DNAI3: variants seen among roughly 807,000 people sequenced by gnomAD.
DNAI3 encodes the protein dynein axonemal intermediate chain 3, also known as WD repeat domain 63.
A neutral mutation model predicts 115.5 loss-of-function variants in DNAI3; 83 were observed. The observed-to-expected ratio is 0.72, with a 90% CI of 0.60 to 0.86. The LOEUF is 0.86. Ranked by LOEUF, DNAI3 falls within the 40% of genes least tolerant of loss-of-function variation. The pLI, the probability that DNAI3 is intolerant of heterozygous loss-of-function variation, is 0.00. For missense variants in DNAI3, 1,004 were observed against 1,075.8 expected (o/e 0.93, Z 0.93); for synonymous variants, 320 against 347.0 (o/e 0.92, Z 0.86).
chr1:85,125,341 A>G (rs1045289816), intron 19 of DNAI3, among the ~76,000 whole-genome samples: 3 of 152,006 alleles, frequency 2.0e-5, no homozygotes, highest in Non-Finnish European at 4.4e-5. Context: ...ACACACATAT[A>G]TATATTTCAA....
intron 1 of DNAI3, among the ~76,000 whole-genome samples, chr1:85,068,773 C>A (rs747232897): frequency 2.0e-5 from 3 of 152,198 alleles, no homozygotes; most frequent in Non-Finnish European, 4.4e-5. Context: ...TACATTCCCA[C>A]CTTCTGCCAA....
intron 16 of DNAI3, among the ~76,000 whole-genome samples, chr1:85,115,753 A>G (rs817463): frequency 0.8 from 121,225 of 151,964 alleles, 48,888 homozygotes; most frequent in South Asian, 0.89. Context: ...GGAGCGTGCA[A>G]CCTAGATCCC....
chr1:85,093,050 AG>A (rs1022361726), intron 8 of DNAI3, among the ~76,000 whole-genome samples: 9 of 152,194 alleles, frequency 5.9e-5, no homozygotes, highest in Non-Finnish European at 1.2e-4. Context: ...AAAATAAAGG[AG>A]GAGGAGACAG....
At chr1:85,084,720 AATC>A in intron 6 of DNAI3, 25 bp downstream of exon 6, 1 of 1,431,966 alleles carries the variant, frequency 7.0e-7, no homozygotes, top group Non-Finnish European at 9.2e-7. Context: ...TATGATCTGT[AATC>A]ATTACCTCCC....
intron 11 of DNAI3, 35 bp from the exon 12 acceptor site, chr1:85,097,534 T>A (rs774910021): frequency 1.3e-6 from 2 of 1,558,024 alleles, no homozygotes; most frequent in Admixed American, 3.9e-5. Context: ...AGATATTTTC[T>A]GAAAAGGTTA....
chr1:85,072,779 C>G (rs1013244660), intron 2 of DNAI3, among the ~76,000 whole-genome samples: 2 of 151,198 alleles, frequency 1.3e-5, no homozygotes, highest in Admixed American at 1.3e-4. Flanking sequence ...CACGGTGAAA[C>G]CCCGTCTCTA....
chr1:85,070,379 C>T (rs1357869676), intron 1 of DNAI3, among the ~76,000 whole-genome samples: 1 of 152,136 alleles, frequency 6.6e-6, no homozygotes, highest in Non-Finnish European at 1.5e-5. Context: ...TCATCTAGTA[C>T]AGAGGTTAAG....
At chr1:85,064,669 G>A (rs1654039548) in intron 1 of DNAI3, among the ~76,000 whole-genome samples, 1 of 152,166 alleles carries the variant, frequency 6.6e-6, no homozygotes, top group Non-Finnish European at 1.5e-5. Context: ...GGAGGCCGAG[G>A]CAGGAGGATT....
chr1:85,111,264 A>T (rs768206847), intron 16 of DNAI3, among the ~76,000 whole-genome samples: 1 of 152,204 alleles, frequency 6.6e-6, no homozygotes, highest in Non-Finnish European at 1.5e-5. Context: ...TTTTATAGAC[A>T]TTGTCAAAGC....
chr1:85,070,347 G>A (rs996863366), intron 1 of DNAI3, among the ~76,000 whole-genome samples: 1 of 152,164 alleles, frequency 6.6e-6, no homozygotes, highest in Non-Finnish European at 1.5e-5. Flanking sequence ...AAACACAGCA[G>A]TTATCATTGA....
At chr1:85,110,876 T>C (rs817483) in intron 16 of DNAI3, among the ~76,000 whole-genome samples, 149,987 of 152,248 alleles carry the variant, frequency 0.99, 73,927 homozygotes, top group East Asian at 1. Flanking sequence ...AATATTTATA[T>C]GGCACCAAGA....
At chr1:85,100,789 A>G (rs887578593) in intron 13 of DNAI3, among the ~76,000 whole-genome samples, 4 of 152,234 alleles carry the variant, frequency 2.6e-5, no homozygotes, top group Non-Finnish European at 2.9e-5. Flanking sequence ...AATACTATGC[A>G]GGCATAAAAA....
intron 21 of DNAI3, 36 bp downstream of exon 21, chr1:85,128,835 G>A: frequency 6.4e-7 from 1 of 1,557,256 alleles, no homozygotes; most frequent in Non-Finnish European, 8.8e-7. Flanking sequence ...GAATTAATGT[G>A]ACCAGATATT....
At chr1:85,130,136 A>G in intron 22 of DNAI3, 24 bp downstream of exon 22, 1 of 1,612,710 alleles carries the variant, frequency 6.2e-7, no homozygotes, top group Non-Finnish European at 8.5e-7. Context: ...CAGAAATGAA[A>G]GATGTTTTCC....
intron 16 of DNAI3, among the ~76,000 whole-genome samples, chr1:85,114,100 T>C (rs1477201043): frequency 1.4e-5 from 2 of 148,038 alleles, no homozygotes; most frequent in Non-Finnish European, 3.0e-5. Flanking sequence ...TGCACCTCCA[T>C]CTCCTGAGTT....
intron 17 of DNAI3, among the ~76,000 whole-genome samples, chr1:85,120,681 T>A (rs190047255): frequency 6.6e-6 from 1 of 152,118 alleles, no homozygotes; most frequent in African/African-American, 2.4e-5. Context: ...GCTCAAGAAG[T>A]GGTATCCGTG....
intron 1 of DNAI3, among the ~76,000 whole-genome samples, chr1:85,066,289 T>C (rs1654092512): frequency 6.8e-6 from 1 of 146,662 alleles, no homozygotes; most frequent in South Asian, 2.1e-4. Flanking sequence ...ATTTTAGGAG[T>C]AGACGAATTA....
chr1:85,131,825 G>A (rs1251309278), intron 22 of DNAI3, among the ~76,000 whole-genome samples: 18 of 152,186 alleles, frequency 1.2e-4, no homozygotes. Context: ...GAGTAGAATT[G>A]TGGATAATCC....
intron 22 of DNAI3, among the ~76,000 whole-genome samples, chr1:85,131,274 G>C (rs1275860158): frequency 6.6e-6 from 1 of 151,882 alleles, no homozygotes; most frequent in African/African-American, 2.4e-5. Flanking sequence ...GAGAAACCCT[G>C]TCTCTACTAA....
Sources: allele counts gnomAD v4.1 joint callset (sites outside exome capture counted in the v4.1 genomes callset), GRCh38; gene constraint gnomAD v4.1.1; transcripts MANE v1.5; gene names NCBI Gene and HGNC (gene_info 2026-07-23, HGNC 2026-07-21).